Variants in BMAL1 observed in about 807,000 individuals in gnomAD.
BMAL1 encodes basic helix-loop-helix ARNT-like protein 1.
the BMAL1 span, among the ~76,000 whole-genome samples, chr11:13,337,200 A>C: frequency 6.6e-6 from 1 of 152,220 alleles, no homozygotes; most frequent in Admixed American, 6.5e-5. Context: ...AAAGATGGAA[A>C]ATTGAGAAAT....
At chr11:13,378,366 C>G in the BMAL1 span, 1 of 1,612,730 alleles carries the variant, frequency 6.2e-7, no homozygotes, top group South Asian at 1.1e-5. Context: ...CCCCACTGTT[C>G]CAGGGATTCC....
the BMAL1 span, among the ~76,000 whole-genome samples, chr11:13,377,179 T>A: frequency 6.6e-6 from 1 of 152,132 alleles, no homozygotes; most frequent in African/African-American, 2.4e-5. Context: ...GACTCATCCT[T>A]CCTGGGACCA....
At chr11:13,303,510 A>G in the BMAL1 span, among the ~76,000 whole-genome samples, 1 of 152,220 alleles carries the variant, frequency 6.6e-6, no homozygotes, top group South Asian at 2.1e-4. Flanking sequence ...TGTTAGGTTA[A>G]CAAACAAACC....
At chr11:13,282,812 AT>A in the BMAL1 span, among the ~76,000 whole-genome samples, 1 of 152,244 alleles carries the variant, frequency 6.6e-6, no homozygotes, top group Non-Finnish European at 1.5e-5. Context: ...TTTTTCCAAA[AT>A]GACAGGCACA....
the BMAL1 span, chr11:13,381,153 T>C: frequency 1.2e-6 from 2 of 1,614,048 alleles, no homozygotes; most frequent in Non-Finnish European, 1.7e-6. Flanking sequence ...AATTCTCTTT[T>C]CTGACAGGAT....
chr11:13,369,469 G>T, the BMAL1 span: 1 of 889,156 alleles, frequency 1.1e-6, no homozygotes, highest in African/African-American at 1.7e-5. Flanking sequence ...TGCTGCATCT[G>T]TTAAAGCCTA....
chr11:13,348,513 G>A, the BMAL1 span, among the ~76,000 whole-genome samples: 7 of 152,092 alleles, frequency 4.6e-5, no homozygotes, highest in Non-Finnish European at 1.0e-4. Flanking sequence ...AGAGGGCTGT[G>A]TGGGGGCTGT....
At chr11:13,313,699 T>C in the BMAL1 span, among the ~76,000 whole-genome samples, 4 of 152,184 alleles carry the variant, frequency 2.6e-5, no homozygotes, top group Admixed American at 2.6e-4. Flanking sequence ...TGTGTTCATC[T>C]TTTTCCTCCC....
At chr11:13,349,912 C>T in the BMAL1 span, 1 of 152,286 alleles carries the variant, frequency 6.6e-6, no homozygotes, top group South Asian at 2.1e-4. Flanking sequence ...AGTGACCTGT[C>T]TGGGTTTTCT....
chr11:13,341,000 G>A, the BMAL1 span, among the ~76,000 whole-genome samples: 1 of 152,180 alleles, frequency 6.6e-6, no homozygotes, highest in Admixed American at 6.5e-5. Flanking sequence ...GTAAGTGGCA[G>A]GGCTGGGATT....
chr11:13,288,427 T>TCTTTCTTTGTTTTTC, the BMAL1 span, among the ~76,000 whole-genome samples: 1 of 66,116 alleles, frequency 1.5e-5, no homozygotes, highest in African/African-American at 5.3e-5. Context: ...TTTTTTTCTT[T>TCTTTCTTTGTTTTTC]TTTTTTTTTT....
chr11:13,357,215 T>G, the BMAL1 span: 6 of 1,418,988 alleles, frequency 4.2e-6, no homozygotes, highest in South Asian at 7.9e-5. The surrounding 1 kb of genome is among the most constrained non-coding windows in gnomAD (Gnocchi z 4.8). Flanking sequence ...TGTCACCTCC[T>G]TAGGGAATAG....
chr11:13,310,374 A>G, the BMAL1 span, among the ~76,000 whole-genome samples: 1 of 152,096 alleles, frequency 6.6e-6, no homozygotes. Flanking sequence ...TCCGGGGAGG[A>G]GTGAAAGAAG....
chr11:13,305,944 C>T, the BMAL1 span, among the ~76,000 whole-genome samples: 1 of 152,184 alleles, frequency 6.6e-6, no homozygotes, highest in Non-Finnish European at 1.5e-5. Context: ...CAAGTCTGAG[C>T]TATATGCAGA....
chr11:13,297,541 G>T, the BMAL1 span, among the ~76,000 whole-genome samples: 1 of 152,250 alleles, frequency 6.6e-6, no homozygotes, highest in Non-Finnish European at 1.5e-5. Context: ...AGGGCTGCTG[G>T]TGGGTATTGG....
At chr11:13,283,813 T>C in the BMAL1 span, among the ~76,000 whole-genome samples, 1 of 152,142 alleles carries the variant, frequency 6.6e-6, no homozygotes, top group Non-Finnish European at 1.5e-5. Flanking sequence ...CATCCTGTTA[T>C]GCATGGCTGT....
chr11:13,367,309 C>A, the BMAL1 span, among the ~76,000 whole-genome samples: 2 of 152,200 alleles, frequency 1.3e-5, no homozygotes, highest in African/African-American at 4.8e-5. Context: ...CTGCCCCCAG[C>A]TTCCTGCTAC....
the BMAL1 span, among the ~76,000 whole-genome samples, chr11:13,298,772 A>C: frequency 1.0e-3 from 159 of 152,304 alleles, no homozygotes; most frequent in African/African-American, 3.7e-3. Flanking sequence ...CCCTGGCTCA[A>C]ATGTGGCTTT....
chr11:13,369,525 G>A, the BMAL1 span: 8 of 1,436,024 alleles, frequency 5.6e-6, no homozygotes, highest in East Asian at 1.6e-4. Flanking sequence ...AAACAGTGAG[G>A]CAGGCAAGAA....
Sources: gnomAD v4.1 joint callset for allele counts (sites outside exome capture counted in the v4.1 genomes callset) on GRCh38, gnomAD v4.1.1 for gene constraint, Gnocchi (gnomAD v3.1) non-coding constraint, MANE v1.5 for transcripts, NCBI Gene and HGNC (gene_info 2026-07-23, HGNC 2026-07-21) for gene names.